COLEC10: variants seen among roughly 807,000 people sequenced by gnomAD.
COLEC10 encodes the protein collectin-10.
Under a neutral mutation model 28.4 loss-of-function variants are expected in COLEC10, and 22 were observed. The ratio of observed to expected loss-of-function variants is 0.78; its 90% confidence interval spans 0.55 to 1.11. COLEC10 has a LOEUF of 1.11. COLEC10 is among the 50% of genes least tolerant of loss of function. COLEC10 has a pLI of 0.00. For missense variants in COLEC10, 361 were observed against 344.1 expected (o/e 1.05, Z -0.39); for synonymous variants, 125 against 116.1 (o/e 1.08, Z -0.49).
chr8:118,968,615 A>G, the COLEC10 span, among the ~76,000 whole-genome samples: 1 of 151,830 alleles, frequency 6.6e-6, no homozygotes, highest in Non-Finnish European at 1.5e-5. Flanking sequence ...ATGTATGTAT[A>G]TGTATATGTA....
At chr8:119,097,822 G>C (rs904197340) in intron 3 of COLEC10, among the ~76,000 whole-genome samples, 1 of 152,074 alleles carries the variant, frequency 6.6e-6, no homozygotes, top group African/African-American at 2.4e-5. Context: ...GAAGTGGAGG[G>C]AGAGGGTAAG....
intron 2 of COLEC10, among the ~76,000 whole-genome samples, chr8:119,039,257 A>T (rs1814450271): frequency 6.6e-6 from 1 of 151,994 alleles, no homozygotes; most frequent in South Asian, 2.1e-4. Flanking sequence ...TTGATTCACT[A>T]CTTACCCTGC....
chr8:119,020,835 C>A (rs1814077326), intron 2 of COLEC10, among the ~76,000 whole-genome samples: 1 of 151,926 alleles, frequency 6.6e-6, no homozygotes, highest in Non-Finnish European at 1.5e-5. Flanking sequence ...AGAAAATAAC[C>A]CCTTTTATTA....
chr8:119,032,557 G>C (rs938948131), intron 2 of COLEC10, among the ~76,000 whole-genome samples: 1 of 152,182 alleles, frequency 6.6e-6, no homozygotes, highest in Non-Finnish European at 1.5e-5. Context: ...CTTTACAAGA[G>C]GAGGAATGAG....
chr8:118,985,598 G>T, the COLEC10 span, among the ~76,000 whole-genome samples: 1 of 152,104 alleles, frequency 6.6e-6, no homozygotes, highest in African/African-American at 2.4e-5. Context: ...CCAAAGGGCA[G>T]ATTGAACATG....
At chr8:118,953,771 G>GATTATCTA in the COLEC10 span, among the ~76,000 whole-genome samples, 9 of 152,200 alleles carry the variant, frequency 5.9e-5, no homozygotes, top group East Asian at 1.5e-3. Context: ...TTATTCTAGG[G>GATTATCTA]GAATACCTAA....
chr8:118,986,469 A>G, the COLEC10 span, among the ~76,000 whole-genome samples: 26,870 of 152,138 alleles, frequency 0.18, 2,701 homozygotes, highest in African/African-American at 0.29. Flanking sequence ...TAGAATTCCA[A>G]AAGAACATAA....
chr8:119,061,526 T>C (rs1814856557), intron 2 of COLEC10, among the ~76,000 whole-genome samples: 1 of 151,498 alleles, frequency 6.6e-6, no homozygotes. Flanking sequence ...CAACATCAAA[T>C]TTCTCAGCAG....
intron 2 of COLEC10, among the ~76,000 whole-genome samples, chr8:119,049,024 G>A (rs78897617): frequency 6.6e-6 from 1 of 152,116 alleles, no homozygotes; most frequent in African/African-American, 2.4e-5. Flanking sequence ...TATAAGGCTG[G>A]TCTTGTTGAA....
At chr8:118,953,396 A>G in the COLEC10 span, among the ~76,000 whole-genome samples, 1 of 152,202 alleles carries the variant, frequency 6.6e-6, no homozygotes, top group African/African-American at 2.4e-5. Flanking sequence ...TTAGTAGTGA[A>G]ACACAATATA....
At chr8:118,982,560 T>G in the COLEC10 span, 2 of 186,382 alleles carry the variant, frequency 1.1e-5, no homozygotes, top group African/African-American at 4.7e-5. Context: ...GGCCAGAACA[T>G]ACAAGAATCA....
intron 2 of COLEC10, among the ~76,000 whole-genome samples, chr8:119,036,041 C>G (rs941804055): frequency 6.6e-6 from 1 of 152,062 alleles, no homozygotes; most frequent in East Asian, 1.9e-4. Flanking sequence ...GATTACATCT[C>G]TATTTGTTTA....
intron 2 of COLEC10, among the ~76,000 whole-genome samples, chr8:119,046,383 T>C (rs1814588799): frequency 6.6e-6 from 1 of 152,170 alleles, no homozygotes; most frequent in African/African-American, 2.4e-5. Flanking sequence ...AGCAACCTCT[T>C]TTTATTTTAT....
chr8:118,965,505 G>T, the COLEC10 span, among the ~76,000 whole-genome samples: 1 of 152,000 alleles, frequency 6.6e-6, no homozygotes, highest in Admixed American at 6.6e-5. Flanking sequence ...GTCTCAACAA[G>T]ATTCCTGGTA....
In COLEC10 at chr8:119,106,483, T is replaced by C. The variant is rs1815946768; in HGVS notation, c.*292T>C. ...TGTCTATATGTCAAATGAGTTGTTC[T>C]CTTGGTATTTGCTCTACCATCTCTC... On this transcript the variant is annotated 3_prime_UTR_variant, in exon 6 of 6. Transcript: ENST00000332843. 2 of 291,764 alleles carry C rather than the reference T, an allele frequency of 6.9e-6. No individual in the cohort carries two copies. Among genetic ancestry groups the C allele is most frequent in the Non-Finnish European group, 1.3e-5 (2 of 151,294 alleles). The allele number at this position is 291,764 out of a possible 1,614,324, so 18.1% of individuals were successfully genotyped here.
chr8:119,006,534 C>T (rs1245184231), intron 1 of COLEC10, among the ~76,000 whole-genome samples: 2 of 152,030 alleles, frequency 1.3e-5, no homozygotes, highest in African/African-American at 4.8e-5. Context: ...ATACTTACAG[C>T]ACTTAACAAA....
At chr8:118,967,735 A>G in the COLEC10 span, among the ~76,000 whole-genome samples, 1 of 152,092 alleles carries the variant, frequency 6.6e-6, no homozygotes, top group Non-Finnish European at 1.5e-5. Flanking sequence ...AGTAGCTGGA[A>G]CATTTAGAAA....
intron 2 of COLEC10, among the ~76,000 whole-genome samples, chr8:119,012,851 T>C (rs947599253): frequency 6.6e-6 from 1 of 150,394 alleles, no homozygotes; most frequent in African/African-American, 2.5e-5. Context: ...TTGTGTCCTT[T>C]CTCATTCTTC....
intron 2 of COLEC10, among the ~76,000 whole-genome samples, chr8:119,018,984 A>T (rs80136771): frequency 0.017 from 2,516 of 152,254 alleles, 20 homozygotes; most frequent in Non-Finnish European, 0.025. Context: ...TTTTGTCAAG[A>T]TAAGGATTTT....
Sources: gnomAD v4.1 joint callset for allele counts (sites outside exome capture counted in the v4.1 genomes callset) on GRCh38, gnomAD v4.1.1 for gene constraint, MANE v1.5 for transcripts, NCBI Gene and HGNC (gene_info 2026-07-23, HGNC 2026-07-21) for gene names.